Variants in MPHOSPH10 observed in about 807,000 individuals in gnomAD.
MPHOSPH10 encodes the protein M-phase phosphoprotein 10, also known as U3 small nucleolar ribonucleoprotein MPP10.
A neutral mutation model predicts 77.3 loss-of-function variants in MPHOSPH10; 33 were observed. The ratio of observed to expected loss-of-function variants is 0.43; its 90% CI spans 0.32 to 0.57. MPHOSPH10 has a LOEUF of 0.57. Ranked by LOEUF, MPHOSPH10 falls within the 20% of genes least tolerant of loss-of-function variation. MPHOSPH10 has a pLI of 0.07. For synonymous variants in MPHOSPH10, 245 were observed against 268.0 expected (o/e 0.91, Z 0.84); for missense variants, 708 against 780.1 (o/e 0.91, Z 1.10).
rs776516232 is a variant in MPHOSPH10, at chr2:71,141,382, G to C, written c.1446+13G>C. On this transcript the variant is annotated intron_variant, in intron 7 of 10. Transcript: ENST00000244230. ...CAAACTCAACCAGGTGAGGAAGCCT[G>C]TAAGGCCAAGCCATTATTATTAAAG... 1.3e-6 allele frequency: 2 copies of C among 1,489,218 alleles called. No homozygotes were observed. Among genetic ancestry groups the C allele is most frequent in the Admixed American group, 4.7e-5 (2 of 42,558 alleles). The allele number at this position is 1,489,218 out of a possible 1,614,324, so 92.3% of individuals were successfully genotyped here.
At chr2:71,137,031 T>C (rs1023374527) in intron 4 of MPHOSPH10, among the ~76,000 whole-genome samples, 7 of 149,862 alleles carry the variant, frequency 4.7e-5, no homozygotes, top group Non-Finnish European at 8.9e-5. Flanking sequence ...GCCACACAAC[T>C]GCATGAACCT....
At chr2:71,147,453 C>T (rs1673737506) in intron 8 of MPHOSPH10, among the ~76,000 whole-genome samples, 1 of 152,092 alleles carries the variant, frequency 6.6e-6, no homozygotes. Flanking sequence ...GCGGGCAGAT[C>T]ACGAGGTCAG....
Position 71,148,738 on chromosome 2 carries a change from G to A in MPHOSPH10, c.1666-485G>A, listed in dbSNP as rs546698353. 8 of 164,396 alleles carry A rather than the reference G, an allele frequency of 4.9e-5. No individual in the cohort carries two copies. In the East Asian group the frequency reaches 1.4e-3, roughly 29 times the overall value. 10.2% of individuals were successfully genotyped at this position (164,396 alleles called of 1,614,324 possible). A position where few individuals can be genotyped will look rare whatever the true frequency, so the allele number is the denominator to read the frequency against. ...TCAGTGCAGGTGACAGCCCTGGCAG[G>A]ATAGGCTGGCAGCTGAGGAGAAAAG... is the stretch of plus-strand genomic sequence containing the variant. On this transcript the variant is annotated intron_variant, in intron 9 of 10. Coordinates refer to ENST00000244230, the MANE Select transcript of MPHOSPH10 (RefSeq NM_005791.3).
At chr2:71,130,945 C>T in intron 1 of MPHOSPH10, 191 bp downstream of exon 1, 1 of 586,876 alleles carries the variant, frequency 1.7e-6, no homozygotes, top group Non-Finnish European at 3.0e-6. Flanking sequence ...ATAGATGGAT[C>T]TCTCAGTTGA....
chr2:71,141,536 C>CT (rs1673613984), intron 7 of MPHOSPH10, among the ~76,000 whole-genome samples, 167 bp downstream of exon 7: 1 of 152,112 alleles, frequency 6.6e-6, no homozygotes, highest in Non-Finnish European at 1.5e-5. Context: ...AATATTCCCG[C>CT]TGGATGTGAG....
At chr2:71,146,238 A>G (rs897366322) in intron 8 of MPHOSPH10, among the ~76,000 whole-genome samples, 3 of 151,396 alleles carry the variant, frequency 2.0e-5, no homozygotes, top group Non-Finnish European at 4.4e-5. Flanking sequence ...TTGCTAGTGT[A>G]GGTTCCCCTT....
chr2:71,133,096 T>A lies in MPHOSPH10; in HGVS notation c.288T>A (p.Ser96Arg). 6.2e-7 allele frequency: 1 copy of A among 1,614,102 alleles called. No individual in the cohort carries two copies. The highest frequency in any genetic ancestry group is 8.5e-7 in the Non-Finnish European group (1 of 1,180,018). Residue 96 changes from serine to arginine, a missense_variant, in exon 2 of 11, where the codon AGT (serine) becomes AGA (arginine). By Grantham distance (110) the Ser-to-Arg change is moderately radical. Transcript: ENST00000244230. ...TACAATACTTTCAGAATGCAGTTAG[T>A]GAAACAATTAATGATGAAGATATCA... The part of the protein sequence containing the change: ...PILQYFQNAV[S>R]ETINDEDISL...
At chr2:71,148,359 A>C in intron 9 of MPHOSPH10, 1 of 353,020 alleles carries the variant, frequency 2.8e-6, no homozygotes, top group Non-Finnish European at 5.2e-6. Flanking sequence ...TCAATATCTT[A>C]TTATAATCCA....
chr2:71,149,003 G>A (rs370249189), intron 9 of MPHOSPH10: 35 of 549,172 alleles, frequency 6.4e-5, no homozygotes, highest in South Asian at 3.9e-4. Flanking sequence ...GAACTGAACC[G>A]TCACTATAAG....
intron 6 of MPHOSPH10, 121 bp from the exon 7 acceptor site, chr2:71,141,111 A>T: frequency 2.5e-6 from 1 of 404,842 alleles, no homozygotes; most frequent in Non-Finnish European, 3.5e-6. Context: ...TAATATATTA[A>T]TGATAATTTA....
At chr2:71,134,168 C>T (rs911410989) in intron 3 of MPHOSPH10, 63 bp downstream of exon 3, 1 of 1,455,094 alleles carries the variant, frequency 6.9e-7, no homozygotes, top group Non-Finnish European at 9.3e-7. Context: ...TGTGTGTACT[C>T]GTAGTTATCA....
intron 4 of MPHOSPH10, among the ~76,000 whole-genome samples, chr2:71,135,218 A>G (rs1673462182): frequency 6.6e-6 from 1 of 152,034 alleles, no homozygotes; most frequent in Non-Finnish European, 1.5e-5. Flanking sequence ...TTGCAAAATC[A>G]GTGCCTGCAT....
At chr2:71,134,409 T>G (rs1673446806) in intron 3 of MPHOSPH10, among the ~76,000 whole-genome samples, 1 of 152,240 alleles carries the variant, frequency 6.6e-6, no homozygotes, top group African/African-American at 2.4e-5. Flanking sequence ...GAATAATTTA[T>G]TTTCTATATG....
Position 71,148,133 on chromosome 2 carries a change from A to G in MPHOSPH10, c.1665+27A>G, listed in dbSNP as rs755274134. 13 of 1,569,964 alleles carry G rather than the reference A, an allele frequency of 8.3e-6. No homozygotes were observed. The South Asian group carries it at 1.2e-4, about 15-fold the overall frequency. On this transcript the variant is annotated intron_variant, in intron 9 of 10. Coordinates refer to ENST00000244230, the MANE Select transcript of MPHOSPH10 (RefSeq NM_005791.3). The stretch of plus-strand genomic sequence containing the variant: ...TAAGAAGCCAATGTTGAAACCTTAA[A>G]TGTCTGTTACAAGTTAGTTGATCAT...
Position 71,133,934 on chromosome 2 carries a change from T to C in MPHOSPH10, c.769-14T>C, listed in dbSNP as rs1226838428. The C allele has an allele frequency of 6.7e-7, 1 of 1,484,032 alleles. No homozygotes were observed. Among genetic ancestry groups the C allele is most frequent in the South Asian group, 1.3e-5 (1 of 77,516 alleles). The allele number at this position is 1,484,032 out of a possible 1,614,324, so 91.9% of individuals were successfully genotyped here. On this transcript the variant is annotated splice_polypyrimidine_tract_variant and intron_variant, in intron 2 of 10. Transcript: ENST00000244230. ...TATCCCTAATTAATAGTTTTTAATATCTTTTTATTTTAGTCAGGTAAAAGT... is the reference window on the plus strand; with the variant it reads ...TATCCCTAATTAATAGTTTTTAATACCTTTTTATTTTAGTCAGGTAAAAGT...
chr2:71,145,382 T>C (rs1673687258), intron 8 of MPHOSPH10, among the ~76,000 whole-genome samples: 1 of 152,220 alleles, frequency 6.6e-6, no homozygotes, highest in Non-Finnish European at 1.5e-5. Flanking sequence ...TTACGTTTCA[T>C]TTGTACCGAA....
rs1673574111 is a variant in MPHOSPH10, at chr2:71,139,658, G to A, written c.1241-137G>A. 27 of 606,066 alleles carry A rather than the reference G, an allele frequency of 4.5e-5. No homozygotes were observed. The East Asian group carries it at 7.8e-4, about 18-fold the overall frequency. The allele number at this position is 606,066 out of a possible 1,614,324, so 37.5% of individuals were successfully genotyped here. On this transcript the variant is annotated intron_variant, in intron 5 of 10. Transcript: ENST00000244230. ...TCCCTCTTCCCCACTTTCTGATTCA[G>A]GAAGTATGGGGGTGGCCCAGGAATT... is the stretch of plus-strand genomic sequence containing the variant.
At chr2:71,146,483 G>A (rs1371108053) in intron 8 of MPHOSPH10, among the ~76,000 whole-genome samples, 1 of 151,898 alleles carries the variant, frequency 6.6e-6, no homozygotes, top group Non-Finnish European at 1.5e-5. Flanking sequence ...CTACAGGCAT[G>A]CACCACCACG....
intron 4 of MPHOSPH10, among the ~76,000 whole-genome samples, chr2:71,136,676 A>G (rs1673497214): frequency 6.6e-6 from 1 of 152,106 alleles, no homozygotes; most frequent in Non-Finnish European, 1.5e-5. Flanking sequence ...ATTATAAAAT[A>G]TCAATGAGTT....
Sources: allele counts gnomAD v4.1 joint callset (sites outside exome capture counted in the v4.1 genomes callset), GRCh38; gene constraint gnomAD v4.1.1; transcripts MANE v1.5; gene names NCBI Gene and HGNC (gene_info 2026-07-23, HGNC 2026-07-21).